ASIC2: variants seen among roughly 807,000 people sequenced by gnomAD.
ASIC2 encodes acid sensing ion channel subunit 2.
In ASIC2, 25 loss-of-function variants were observed where a neutral mutation model predicts 57.3. That is an observed-to-expected ratio of 0.44 (90% CI 0.32 to 0.61). The LOEUF (loss-of-function observed/expected upper bound fraction) is 0.61, where lower values mean the gene tolerates loss of function less well. Among genes scored for constraint, ASIC2 ranks in the 20% least tolerant of loss-of-function variants. The pLI, the probability that ASIC2 is intolerant of heterozygous loss-of-function variation, is 0.06. For synonymous variants in ASIC2, 319 were observed against 307.5 expected (o/e 1.04, Z -0.39); for missense variants, 641 against 738.1 (o/e 0.87, Z 1.52).
chr17:33,981,972 C>T (rs568795032), intron 1 of ASIC2, among the ~76,000 whole-genome samples: 14 of 152,126 alleles, frequency 9.2e-5, no homozygotes, highest in East Asian at 1.9e-4. Context: ...TGGCACCAAC[C>T]GGAAGGTTGA....
At chr17:33,890,809 TTTAAAGCCCTGAGTG>T (rs1464043840) in intron 1 of ASIC2, among the ~76,000 whole-genome samples, 4 of 152,164 alleles carry the variant, frequency 2.6e-5, no homozygotes, top group Non-Finnish European at 4.4e-5. Flanking sequence ...CTTTTTGAAT[TTTAAAGCCCTGAGTG>T]TTAGGGGCCA....
chr17:33,320,668 T>TG (rs1906833597), intron 1 of ASIC2, among the ~76,000 whole-genome samples: 3 of 152,208 alleles, frequency 2.0e-5, no homozygotes, highest in African/African-American at 4.8e-5. Flanking sequence ...TTTGCTTTCC[T>TG]ATGTGGAACT....
chr17:33,138,812 T>C (rs1052503692), intron 1 of ASIC2, among the ~76,000 whole-genome samples: 1 of 152,256 alleles, frequency 6.6e-6, no homozygotes, highest in African/African-American at 2.4e-5. Context: ...GTTAATATAC[T>C]ATCTTGAATT....
At chr17:33,312,457 C>A (rs754893941) in intron 1 of ASIC2, among the ~76,000 whole-genome samples, 1 of 152,190 alleles carries the variant, frequency 6.6e-6, no homozygotes, top group African/African-American at 2.4e-5. Flanking sequence ...TCGTGGAACC[C>A]ACCCTTAGAG....
chr17:33,342,997 G>A (rs1371023799), intron 1 of ASIC2, among the ~76,000 whole-genome samples: 1 of 152,198 alleles, frequency 6.6e-6, no homozygotes, highest in Non-Finnish European at 1.5e-5. Context: ...TAGCTAAATA[G>A]GTGAGCTGAG....
chr17:33,766,154 G>C (rs1910928381), intron 1 of ASIC2, among the ~76,000 whole-genome samples: 1 of 152,208 alleles, frequency 6.6e-6, no homozygotes. Flanking sequence ...TTTTGAGAGA[G>C]AGAGAGGCCA....
intron 1 of ASIC2, among the ~76,000 whole-genome samples, chr17:33,408,448 T>C (rs1910542798): frequency 6.6e-6 from 1 of 152,222 alleles, no homozygotes; most frequent in African/African-American, 2.4e-5. Context: ...ATGTATCCGG[T>C]ACTTAGCTAT....
intron 1 of ASIC2, among the ~76,000 whole-genome samples, chr17:33,610,051 G>A (rs1029396100): frequency 9.0e-6 from 1 of 110,700 alleles, no homozygotes; most frequent in Non-Finnish European, 2.0e-5. Flanking sequence ...CCTGGACAGA[G>A]GCGCACACAC....
At chr17:33,667,220 G>A (rs954309225) in intron 1 of ASIC2, among the ~76,000 whole-genome samples, 8 of 152,156 alleles carry the variant, frequency 5.3e-5, no homozygotes, top group Non-Finnish European at 1.2e-4. Context: ...CCACGCCCTC[G>A]CCAAGGGCAC....
chr17:33,058,508 A>G (rs1241216096), intron 3 of ASIC2, among the ~76,000 whole-genome samples: 1 of 151,484 alleles, frequency 6.6e-6, no homozygotes, highest in Non-Finnish European at 1.5e-5. Context: ...CCAAAACAAC[A>G]ACAAAAAACA....
chr17:33,042,249 C>T (rs1208428925), intron 3 of ASIC2, among the ~76,000 whole-genome samples: 1 of 152,168 alleles, frequency 6.6e-6, no homozygotes, highest in Non-Finnish European at 1.5e-5. Flanking sequence ...GTGAGACACC[C>T]TCCTCCTGCC....
chr17:34,095,607 TTATATATATATATATATATATAATTTTA>T (rs1299712415), intron 1 of ASIC2, among the ~76,000 whole-genome samples: 51 of 96,118 alleles, frequency 5.3e-4, no homozygotes, highest in African/African-American at 2.7e-3. Flanking sequence ...CAGGCAAATT[TTATATATATATATATATATATAATTTTA>T]TATATATATA....
Position 34,099,209 on chromosome 17 carries a change from A to AAAGAAAG in ASIC2, c.555+56768_555+56769insCTTTCTT, listed in dbSNP as rs1263986039. Reference sequence around the variant, plus strand: ...GAAAGAAAGAAAGAAAGAAAGAAAGAAAGGAAAGAAAAGAAAGAAAAAAGA... The same window carrying AAAGAAAG: ...GAAAGAAAGAAAGAAAGAAAGAAAGAAAGAAAGAAGGAAAGAAAAGAAAGAAAAAAGA... On this transcript the variant is annotated intron_variant, in intron 1 of 9. Transcript: ENST00000359872. Among the ~76,000 whole-genome samples the AAAGAAAG allele has an allele frequency of 9.2e-4, 117 of 126,742 alleles. 4 individuals carry two copies. The highest frequency in any genetic ancestry group is 1.6e-3 in the African/African-American group (43 of 26,194). 83.1% of individuals were successfully genotyped at this position (126,742 alleles called of 152,430 possible).
chr17:33,583,632 C>A (rs956846100), intron 1 of ASIC2, among the ~76,000 whole-genome samples: 1 of 152,090 alleles, frequency 6.6e-6, no homozygotes, highest in Non-Finnish European at 1.5e-5. Context: ...TGTTTTGCAT[C>A]GGTGTTTAGG....
chr17:33,375,302 G>C (rs966243824), intron 1 of ASIC2, among the ~76,000 whole-genome samples: 1 of 151,802 alleles, frequency 6.6e-6, no homozygotes, highest in South Asian at 2.1e-4. Flanking sequence ...AGAATCTCCC[G>C]GCAGAGGAAA....
intron 1 of ASIC2, among the ~76,000 whole-genome samples, chr17:33,151,441 C>T (rs11080206): frequency 0.29 from 41,428 of 141,870 alleles, 5,822 homozygotes; most frequent in East Asian, 0.41. Flanking sequence ...CTGACTCCTA[C>T]GTGACCTTAG....
intron 1 of ASIC2, among the ~76,000 whole-genome samples, chr17:33,355,367 T>C (rs551340854): frequency 5.9e-5 from 9 of 152,248 alleles, no homozygotes; most frequent in Admixed American, 5.2e-4. Flanking sequence ...TGTACAGGAA[T>C]GTGAGAATGT....
At chr17:33,676,913 C>T (rs1452312329) in intron 1 of ASIC2, among the ~76,000 whole-genome samples, 2 of 152,088 alleles carry the variant, frequency 1.3e-5, no homozygotes, top group Non-Finnish European at 2.9e-5. Context: ...TTGGTGCTGT[C>T]CTCCTGATAG....
At chr17:33,054,863 G>A (rs2091991550) in intron 3 of ASIC2, among the ~76,000 whole-genome samples, 2 of 152,176 alleles carry the variant, frequency 1.3e-5, no homozygotes, top group Non-Finnish European at 2.9e-5. Flanking sequence ...TTGTTACACG[G>A]TTGCTTTTAT....
Sources: gnomAD v4.1 joint callset for allele counts (sites outside exome capture counted in the v4.1 genomes callset) on GRCh38, gnomAD v4.1.1 for gene constraint, MANE v1.5 for transcripts, NCBI Gene and HGNC (gene_info 2026-07-23, HGNC 2026-07-21) for gene names.